The following ADAMTSL1 variants were observed in gnomAD, a reference collection of about 807,000 sequenced individuals.
ADAMTSL1 encodes ADAMTS-like protein 1.
Under a neutral mutation model 201.8 loss-of-function variants are expected in ADAMTSL1, and 126 were observed. That is an observed-to-expected ratio of 0.62 (90% CI 0.54 to 0.72). ADAMTSL1 has a LOEUF of 0.72. Ranked by LOEUF, ADAMTSL1 falls within the 30% of genes least tolerant of loss-of-function variation. The pLI, the probability that ADAMTSL1 is intolerant of heterozygous loss-of-function variation, is 0.00. For missense variants in ADAMTSL1, 2,679 were observed against 2,277.8 expected (o/e 1.18, Z -3.59); for synonymous variants, 1,121 against 903.4 (o/e 1.24, Z -4.32).
intron 1 of ADAMTSL1, among the ~76,000 whole-genome samples, chr9:18,032,516 C>G (rs1172714867): frequency 1.3e-5 from 2 of 152,154 alleles, no homozygotes; most frequent in Non-Finnish European, 2.9e-5. Context: ...GGTTGGCAGA[C>G]AAGGGGGCAC....
At chr9:18,659,414 C>G (rs1455598710) in intron 8 of ADAMTSL1, among the ~76,000 whole-genome samples, 1 of 152,246 alleles carries the variant, frequency 6.6e-6, no homozygotes, top group African/African-American at 2.4e-5. Flanking sequence ...CAATTCAACA[C>G]TTTAAGCATT....
chr9:18,826,270 T>C lies in ADAMTSL1; in HGVS notation c.3935-14T>C, dbSNP rs766046133. 11 of 1,595,334 alleles carry C rather than the reference T, an allele frequency of 6.9e-6. No individual in the cohort carries two copies. The South Asian group carries it at 1.2e-4, about 18-fold the overall frequency. The stretch of plus-strand genomic sequence containing the variant: ...TGATGAGTGGGGTTTTTTGTTTTTT[T>C]TTTTTCTTCCTAGGAGTGCCTGAAG... On this transcript the variant is annotated splice_polypyrimidine_tract_variant and intron_variant, in intron 21 of 28. Transcript: ENST00000380548.
intron 2 of ADAMTSL1, among the ~76,000 whole-genome samples, chr9:18,237,204 C>A (rs1468953172): frequency 6.6e-6 from 1 of 152,196 alleles, no homozygotes; most frequent in East Asian, 1.9e-4. Flanking sequence ...AGACCATGAG[C>A]TCTCCAATGT....
At chr9:18,497,021 T>C (rs7047451) in intron 1 of ADAMTSL1, among the ~76,000 whole-genome samples, 5,565 of 152,182 alleles carry the variant, frequency 0.037, 266 homozygotes, top group African/African-American at 0.1. Flanking sequence ...GTGGAAGCCC[T>C]AGGGGGTGAT....
intron 23 of ADAMTSL1, among the ~76,000 whole-genome samples, chr9:18,887,457 A>T (rs368078216): frequency 1.3e-5 from 2 of 152,210 alleles, no homozygotes; most frequent in African/African-American, 4.8e-5. Context: ...TTTTCCCAAC[A>T]TATCGTATTT....
chr9:18,411,702 A>G (rs1435455066), intron 2 of ADAMTSL1, among the ~76,000 whole-genome samples: 1 of 151,974 alleles, frequency 6.6e-6, no homozygotes, highest in Non-Finnish European at 1.5e-5. Flanking sequence ...TCCTTCCATG[A>G]CCCCCATTTT....
chr9:18,314,186 T>C (rs932737112), intron 2 of ADAMTSL1, among the ~76,000 whole-genome samples: 1 of 152,110 alleles, frequency 6.6e-6, no homozygotes, highest in Admixed American at 6.5e-5. Context: ...AGATAGCACA[T>C]GTTGGTGAGG....
intron 5 of ADAMTSL1, among the ~76,000 whole-genome samples, chr9:18,632,219 C>A (rs1826830668): frequency 6.6e-6 from 1 of 152,192 alleles, no homozygotes; most frequent in Non-Finnish European, 1.5e-5. Flanking sequence ...TCTTCCAATC[C>A]ATCCCAAATC....
At chr9:17,985,856 C>G (rs1293444312) in intron 1 of ADAMTSL1, among the ~76,000 whole-genome samples, 1 of 152,104 alleles carries the variant, frequency 6.6e-6, no homozygotes, top group Non-Finnish European at 1.5e-5. Flanking sequence ...CAAACCTCCT[C>G]ATTTCATGCA....
chr9:18,195,509 C>T (rs1829140821), intron 2 of ADAMTSL1, among the ~76,000 whole-genome samples: 2 of 152,158 alleles, frequency 1.3e-5, no homozygotes, highest in South Asian at 4.1e-4. Context: ...CACAAGTTGT[C>T]TGACTCCACG....
At position 18,684,807 on chromosome 9, in the gene ADAMTSL1, TGTAAAAGCA is replaced by T. The variant is rs2133199849; in HGVS notation, c.1574+8_1574+16del. On this transcript the variant is annotated splice_region_variant and intron_variant, in intron 13 of 28. Transcript: ENST00000380548. ...CTGTGTCAGAGGAGCCCTCGTAAGT[TGTAAAAGCA>T]CAGACTGTTCTATATTTGAAACTGT... 6.2e-7 allele frequency: 1 copy of T among 1,607,632 alleles called. No homozygotes were observed.
chr9:18,819,072 C>G (rs1177132877), intron 21 of ADAMTSL1, among the ~76,000 whole-genome samples: 1 of 152,164 alleles, frequency 6.6e-6, no homozygotes, highest in African/African-American at 2.4e-5. Context: ...CACCTGATCA[C>G]TATGGACACA....
At chr9:18,636,055 T>C (rs1827093043) in intron 6 of ADAMTSL1, 38 bp downstream of exon 6, 1 of 1,468,860 alleles carries the variant, frequency 6.8e-7, no homozygotes, top group Non-Finnish European at 9.2e-7. Context: ...GAATTGGGAA[T>C]TGTAGTCATT....
intron 23 of ADAMTSL1, among the ~76,000 whole-genome samples, chr9:18,832,319 G>T (rs76893250): frequency 6.6e-6 from 1 of 152,128 alleles, no homozygotes; most frequent in Non-Finnish European, 1.5e-5. Flanking sequence ...GTGCGCTCTG[G>T]GTATGAGAAA....
At chr9:18,899,681 T>C (rs4977462) in intron 26 of ADAMTSL1, among the ~76,000 whole-genome samples, 107,482 of 151,588 alleles carry the variant, frequency 0.71, 38,741 homozygotes, top group African/African-American at 0.86. Context: ...CAAAAACGAG[T>C]AATGGAGAAA....
intron 2 of ADAMTSL1, among the ~76,000 whole-genome samples, chr9:18,244,402 A>G (rs944166447): frequency 6.6e-6 from 1 of 152,076 alleles, no homozygotes; most frequent in East Asian, 1.9e-4. Context: ...TATACATCCA[A>G]CCTCTGATAT....
chr9:18,436,441 C>G (rs1482591874), intron 2 of ADAMTSL1, among the ~76,000 whole-genome samples: 2 of 152,164 alleles, frequency 1.3e-5, no homozygotes, highest in South Asian at 2.1e-4. Context: ...CACTTCTACT[C>G]AGTTCTTTTC....
intron 2 of ADAMTSL1, among the ~76,000 whole-genome samples, chr9:18,455,169 A>G (rs1362986117): frequency 4.6e-5 from 7 of 152,240 alleles, no homozygotes; most frequent in Non-Finnish European, 1.0e-4. Context: ...TAGGTATGAG[A>G]AATTTAATAT....
intron 1 of ADAMTSL1, among the ~76,000 whole-genome samples, chr9:17,989,406 A>C (rs1819060757): frequency 6.6e-6 from 1 of 152,058 alleles, no homozygotes; most frequent in African/African-American, 2.4e-5. Flanking sequence ...GCTTTATCAT[A>C]ATTTAATTAA....
Sources: allele counts gnomAD v4.1 joint callset (sites outside exome capture counted in the v4.1 genomes callset), GRCh38; gene constraint gnomAD v4.1.1; transcripts MANE v1.5; gene names NCBI Gene and HGNC (gene_info 2026-07-23, HGNC 2026-07-21).